The following ST8SIA1 variants were observed in gnomAD, a reference collection of about 807,000 sequenced individuals.
ST8SIA1 encodes the protein ST8 alpha-N-acetyl-neuraminide alpha-2,8-sialyltransferase 1.
Under a neutral mutation model 35.9 loss-of-function variants are expected in ST8SIA1, and 16 were observed. The observed-to-expected ratio is 0.45, with a 90% CI of 0.30 to 0.68. ST8SIA1 has a LOEUF of 0.68. ST8SIA1 is among the 30% of genes least tolerant of loss of function. The pLI is 0.09. For missense variants in ST8SIA1, 383 were observed against 453.6 expected (o/e 0.84, Z 1.41); for synonymous variants, 170 against 169.6 (o/e 1.00, Z -0.02).
chr12:22,232,247 A>G (rs1222978116), intron 4 of ST8SIA1, among the ~76,000 whole-genome samples: 4 of 152,200 alleles, frequency 2.6e-5, no homozygotes, highest in Non-Finnish European at 5.9e-5. Context: ...GAAGCATAAA[A>G]ACTTATTGGG....
chr12:22,253,080 C>T (rs899629242), intron 3 of ST8SIA1, among the ~76,000 whole-genome samples: 3 of 152,172 alleles, frequency 2.0e-5, no homozygotes, highest in Admixed American at 6.5e-5. Flanking sequence ...GGTATTCATA[C>T]AGTCATAGAT....
At chr12:22,202,706 A>G (rs1158046182) in intron 4 of ST8SIA1, among the ~76,000 whole-genome samples, 1 of 152,232 alleles carries the variant, frequency 6.6e-6, no homozygotes, top group East Asian at 1.9e-4. Flanking sequence ...TCTAAATACA[A>G]TGTTGATACT....
intron 4 of ST8SIA1, among the ~76,000 whole-genome samples, chr12:22,246,159 G>C (rs1236525241): frequency 6.6e-6 from 1 of 152,180 alleles, no homozygotes; most frequent in Non-Finnish European, 1.5e-5. Flanking sequence ...ACTTGTGACT[G>C]GTGGGGGTGG....
In ST8SIA1 at chr12:22,201,825, T is replaced by A; in HGVS notation, c.798A>T (p.Arg266Ser). 1 of 1,614,160 alleles carries A rather than the reference T, an allele frequency of 6.2e-7. No homozygotes were observed. The highest frequency in any genetic ancestry group is 8.5e-7 in the Non-Finnish European group (1 of 1,180,002). ...LRSIGKFWKS[R>S]GIHAKRLSTG... ...TGGACAGGCGCTTGGCATGGATTCCTCTACTTTTCCAGAACTTTCCAATGC... is the reference window on the plus strand; with the variant it reads ...TGGACAGGCGCTTGGCATGGATTCCACTACTTTTCCAGAACTTTCCAATGC... The change falls in exon 5 of 5, where the codon AGA becomes AGT. Residue 266 changes from arginine (R) to serine (S), a missense_variant. Transcript: ENST00000396037.
chr12:22,233,622 T>A (rs7310117), intron 4 of ST8SIA1, among the ~76,000 whole-genome samples: 55,481 of 151,474 alleles, frequency 0.37, 11,036 homozygotes, highest in East Asian at 0.63. Context: ...ATGCCAACCA[T>A]AAACCCCTCC....
At chr12:22,277,526 C>T (rs1455878685) in intron 2 of ST8SIA1, among the ~76,000 whole-genome samples, 1 of 151,888 alleles carries the variant, frequency 6.6e-6, no homozygotes, top group Admixed American at 6.6e-5. Context: ...GCCACTACGC[C>T]CAGCTAATTT....
chr12:22,321,806 ACT>A (rs938872249), intron 1 of ST8SIA1, among the ~76,000 whole-genome samples: 4 of 151,964 alleles, frequency 2.6e-5, no homozygotes, highest in African/African-American at 9.7e-5. Flanking sequence ...CTGCCTACTG[ACT>A]CAGCTCACCA....
chr12:22,322,321 C>A (rs968368928), intron 1 of ST8SIA1, among the ~76,000 whole-genome samples: 2 of 152,192 alleles, frequency 1.3e-5, no homozygotes, highest in African/African-American at 2.4e-5. Flanking sequence ...GGCCTGCGTC[C>A]TCTTGGCCTA....
chr12:22,204,481 C>T (rs1229994954), intron 4 of ST8SIA1, among the ~76,000 whole-genome samples: 2 of 152,164 alleles, frequency 1.3e-5, no homozygotes, highest in Admixed American at 6.5e-5. Context: ...TTCCTTGCTT[C>T]CTTCCATTCC....
At chr12:22,232,898 G>A (rs555981243) in intron 4 of ST8SIA1, among the ~76,000 whole-genome samples, 15 of 151,776 alleles carry the variant, frequency 9.9e-5, no homozygotes, top group Non-Finnish European at 1.8e-4. Context: ...GCATTGACTT[G>A]GAAACTAAGT....
chr12:22,309,727 C>T (rs1297610429), intron 1 of ST8SIA1, among the ~76,000 whole-genome samples: 1 of 152,106 alleles, frequency 6.6e-6, no homozygotes, highest in African/African-American at 2.4e-5. Context: ...AGAAATAAAG[C>T]TCTCCTTTCC....
At chr12:22,219,114 G>A (rs1012993799) in intron 4 of ST8SIA1, among the ~76,000 whole-genome samples, 3 of 151,980 alleles carry the variant, frequency 2.0e-5, no homozygotes, top group African/African-American at 7.2e-5. Flanking sequence ...ATTTGCATTA[G>A]CATTGAAAGC....
In ST8SIA1 at chr12:22,334,309, A is replaced by G. The variant is rs1866816965; in HGVS notation, c.-77T>C. ...GCGAAGTGGCAGCGGAGGGTCCCCC[A>G]CCGCCAGCCCCCCATGCACACACAC... On this transcript the variant is annotated 5_prime_UTR_variant, in exon 1 of 5. Coordinates refer to ENST00000396037, the MANE Select transcript of ST8SIA1 (RefSeq NM_003034.4). The G allele has an allele frequency of 8.7e-7, 1 of 1,150,920 alleles. No individual in the cohort carries two copies. The allele number at this position is 1,150,920 out of a possible 1,614,324, so 71.3% of individuals were successfully genotyped here.
chr12:22,246,555 C>T (rs1865605064), intron 4 of ST8SIA1, among the ~76,000 whole-genome samples: 1 of 152,088 alleles, frequency 6.6e-6, no homozygotes, highest in Non-Finnish European at 1.5e-5. Context: ...AGGGTGGGGG[C>T]CGGGGACCGG....
chr12:22,311,660 T>C (rs1247966501), intron 1 of ST8SIA1, among the ~76,000 whole-genome samples: 2 of 152,176 alleles, frequency 1.3e-5, no homozygotes, highest in African/African-American at 4.8e-5. Flanking sequence ...ATTGCTGTAA[T>C]ACAAAATCAT....
At chr12:22,319,448 C>T (rs1866556900) in intron 1 of ST8SIA1, among the ~76,000 whole-genome samples, 1 of 152,220 alleles carries the variant, frequency 6.6e-6, no homozygotes, top group Non-Finnish European at 1.5e-5. Context: ...AACCTTGACA[C>T]CTGATACACG....
intron 4 of ST8SIA1, among the ~76,000 whole-genome samples, chr12:22,209,609 G>T (rs1865155072): frequency 6.6e-6 from 1 of 152,152 alleles, no homozygotes; most frequent in Admixed American, 6.6e-5. Flanking sequence ...TATTGACCCT[G>T]CATTTCCAGT....
At chr12:22,248,970 CTTCG>C in intron 4 of ST8SIA1, 32 bp downstream of exon 4, 1 of 1,495,590 alleles carries the variant, frequency 6.7e-7, no homozygotes, top group South Asian at 1.1e-5. Flanking sequence ...AAGACTTCAT[CTTCG>C]TTCGTCACAA....
intron 1 of ST8SIA1, among the ~76,000 whole-genome samples, chr12:22,318,320 G>T (rs911814729): frequency 6.6e-6 from 1 of 152,204 alleles, no homozygotes; most frequent in Non-Finnish European, 1.5e-5. Context: ...GTGCGCAGAA[G>T]TCTCCACACG....
Sources: gnomAD v4.1 joint callset for allele counts (sites outside exome capture counted in the v4.1 genomes callset) on GRCh38, gnomAD v4.1.1 for gene constraint, MANE v1.5 for transcripts, NCBI Gene and HGNC (gene_info 2026-07-23, HGNC 2026-07-21) for gene names.